The following DAPK1 variants were observed in gnomAD, a reference collection of about 807,000 sequenced individuals.
DAPK1 encodes the protein death-associated protein kinase 1.
DAPK1 carries 56 observed loss-of-function variants against 144.9 expected under a neutral mutation model. The observed-to-expected ratio is 0.39, with a 90% CI of 0.31 to 0.48. DAPK1 has a LOEUF of 0.48. DAPK1 is among the 20% of genes least tolerant of loss of function. The pLI, the probability that DAPK1 is intolerant of heterozygous loss-of-function variation, is 0.95. For synonymous variants in DAPK1, 690 were observed against 749.0 expected (o/e 0.92, Z 1.29); for missense variants, 1,454 against 1,875.4 (o/e 0.78, Z 4.15).
rs767821378 is a variant in DAPK1 at position 87,658,085 on chromosome 9, G to A, written c.1881G>A (p.Arg627=). 8 of 1,547,346 alleles carry A rather than the reference G, an allele frequency of 5.2e-6. No individual in the cohort carries two copies. In the South Asian group the frequency reaches 5.6e-5, roughly 11 times the overall value. ...ACAACGGAATCCTAGACGTGGTCCGGTATCTCTGTCTGATGGGAGCCAGCG... is the reference window on the plus strand; with the variant it reads ...ACAACGGAATCCTAGACGTGGTCCGATATCTCTGTCTGATGGGAGCCAGCG... ...AANNGILDVV[R]YLCLMGASVE... The change falls in exon 18 of 26, where the codon CGG becomes CGA. Residue 627 remains arginine, a synonymous_variant. Coordinates refer to ENST00000408954, the MANE Select transcript of DAPK1 (RefSeq NM_004938.4).
intron 19 of DAPK1, among the ~76,000 whole-genome samples, chr9:87,678,517 C>T (rs145106945): frequency 1.3e-3 from 197 of 152,292 alleles, no homozygotes; most frequent in Non-Finnish European, 1.8e-3. Context: ...AAATCGGAGA[C>T]AGCACTCAGC....
intron 25 of DAPK1, among the ~76,000 whole-genome samples, chr9:87,704,958 A>AT (rs1392913312): frequency 4.0e-5 from 6 of 151,352 alleles, no homozygotes; most frequent in Non-Finnish European, 7.4e-5. Context: ...CTTTCTTTTT[A>AT]TTTTTTTAAG....
intron 3 of DAPK1, among the ~76,000 whole-genome samples, chr9:87,633,916 G>A (rs1394640535): frequency 6.6e-6 from 1 of 152,318 alleles, no homozygotes; most frequent in Admixed American, 6.5e-5. Context: ...TTAGGATCAA[G>A]ATTTGGAGAA....
At chr9:87,662,560 GTTTTTTTTTTTT>G (rs71507734) in intron 18 of DAPK1, among the ~76,000 whole-genome samples, 5 of 32,138 alleles carry the variant, frequency 1.6e-4, no homozygotes, top group South Asian at 1.4e-3. Context: ...TATATTCCTA[GTTTTTTTTTTTT>G]TTTTTTTTTT....
At chr9:87,642,899 G>C (rs1018968610) in intron 10 of DAPK1, among the ~76,000 whole-genome samples, 3 of 152,204 alleles carry the variant, frequency 2.0e-5, no homozygotes, top group Non-Finnish European at 4.4e-5. Context: ...TATAGACTAA[G>C]AGGTCCCCCA....
Position 87,570,523 on chromosome 9 carries a change from G to A in DAPK1, c.63-34431G>A, listed in dbSNP as rs546218347. ...GCTTTCCCATTCTTTTCATTATTTT[G>A]TATGTAAAAAAAACCCAAAAAGCCA... On this transcript the variant is annotated intron_variant, in intron 2 of 25. Coordinates refer to ENST00000408954, the MANE Select transcript of DAPK1 (RefSeq NM_004938.4). Among the ~76,000 whole-genome samples the A allele has an allele frequency of 3.3e-5, 5 of 151,988 alleles. No individual in the cohort carries two copies. The South Asian group carries it at 8.3e-4, about 25-fold the overall frequency.
chr9:87,707,527 C>A lies in DAPK1; in HGVS notation c.*163C>A, dbSNP rs931187429. 7.0e-5 allele frequency: 42 copies of A among 601,370 alleles called. No individual in the cohort carries two copies. The highest frequency in any genetic ancestry group is 1.7e-4 in the African/African-American group (9 of 53,844). 37.3% of individuals were successfully genotyped at this position (601,370 alleles called of 1,614,324 possible). ...TTGACCTGTTTCTCTGCCGCTACCT[C>A]CCTCCCCGTCTCATTCCGTTGTCTG... On this transcript the variant is annotated 3_prime_UTR_variant, in exon 26 of 26. Coordinates refer to ENST00000408954, the MANE Select transcript of DAPK1 (RefSeq NM_004938.4). This position sits in a 1 kb window ranked among gnomAD's most constrained non-coding sequence, Gnocchi z 4.0.
At position 87,498,115 on chromosome 9, in the gene DAPK1, G is replaced by C; in HGVS notation, c.-109+8G>C. Reference sequence around the variant, plus strand: ...GAGCTCCCAGGCGCCCGGGTGAGTAGCCAGGCGCGGCTCCCCGGTCCCCCC... The same window carrying C: ...GAGCTCCCAGGCGCCCGGGTGAGTACCCAGGCGCGGCTCCCCGGTCCCCCC... On this transcript the variant is annotated splice_region_variant and intron_variant, in intron 1 of 25. Coordinates refer to ENST00000408954, the MANE Select transcript of DAPK1 (RefSeq NM_004938.4). 2.5e-6 allele frequency: 1 copy of C among 397,520 alleles called. No individual in the cohort carries two copies. The highest frequency in any genetic ancestry group is 4.4e-6 in the Non-Finnish European group (1 of 225,592). 24.6% of individuals were successfully genotyped at this position (397,520 alleles called of 1,614,324 possible).
chr9:87,638,810 C>A (rs1011741589), intron 4 of DAPK1, among the ~76,000 whole-genome samples: 3 of 152,218 alleles, frequency 2.0e-5, no homozygotes, highest in African/African-American at 7.2e-5. Context: ...TCCCTGCTGG[C>A]CCCACAAACA....
At chr9:87,502,109 A>G (rs995649719) in intron 2 of DAPK1, among the ~76,000 whole-genome samples, 2 of 152,140 alleles carry the variant, frequency 1.3e-5, no homozygotes, top group South Asian at 2.1e-4. Context: ...CGGCAAGTCA[A>G]TATTCTTTAA....
intron 2 of DAPK1, among the ~76,000 whole-genome samples, chr9:87,547,521 A>G (rs888918052): frequency 1.3e-5 from 2 of 152,168 alleles, no homozygotes; most frequent in South Asian, 4.1e-4. Context: ...TTAAATAGCT[A>G]CATGTATTAG....
At chr9:87,604,285 G>A (rs112899936) in intron 2 of DAPK1, among the ~76,000 whole-genome samples, 3 of 152,154 alleles carry the variant, frequency 2.0e-5, no homozygotes, top group African/African-American at 7.2e-5. Context: ...TGGACTGATT[G>A]GCTCAGCCTA....
intron 3 of DAPK1, among the ~76,000 whole-genome samples, chr9:87,623,076 G>A (rs377697192): frequency 1.7e-4 from 26 of 152,042 alleles, no homozygotes; most frequent in Non-Finnish European, 3.7e-4. Context: ...TCACATAAGG[G>A]GCCCACTAGG....
At chr9:87,632,100 A>AC in intron 3 of DAPK1, 1 of 671,398 alleles carries the variant, frequency 1.5e-6, no homozygotes, top group Non-Finnish European at 1.8e-6. Flanking sequence ...AGAAATATAT[A>AC]TATATATATG....
At chr9:87,500,778 A>G (rs1031323410) in intron 2 of DAPK1, among the ~76,000 whole-genome samples, 5 of 152,166 alleles carry the variant, frequency 3.3e-5, no homozygotes, top group African/African-American at 1.2e-4. Flanking sequence ...TGATTTGCTC[A>G]GTGTACATTT....
At chr9:87,549,824 GA>G (rs970555898) in intron 2 of DAPK1, among the ~76,000 whole-genome samples, 2 of 152,006 alleles carry the variant, frequency 1.3e-5, no homozygotes, top group African/African-American at 4.8e-5. Context: ...AAAAGTGGGG[GA>G]AAAAAGTATC....
At chr9:87,547,447 C>T (rs1427967674) in intron 2 of DAPK1, among the ~76,000 whole-genome samples, 2 of 152,172 alleles carry the variant, frequency 1.3e-5, no homozygotes, top group African/African-American at 4.8e-5. Context: ...ACTGAGCACT[C>T]AGATAGTAAG....
chr9:87,581,588 G>A (rs922467177), intron 2 of DAPK1, among the ~76,000 whole-genome samples: 8 of 152,194 alleles, frequency 5.3e-5, no homozygotes, highest in Non-Finnish European at 1.2e-4. Flanking sequence ...TGTAGTTGTA[G>A]CTCGTTTGGG....
At chr9:87,667,092 G>C (rs1416727426) in intron 18 of DAPK1, among the ~76,000 whole-genome samples, 1 of 152,190 alleles carries the variant, frequency 6.6e-6, no homozygotes, top group African/African-American at 2.4e-5. Context: ...TGATTCCAGA[G>C]TGTAATGGAG....
Sources: gnomAD v4.1 joint callset for allele counts (sites outside exome capture counted in the v4.1 genomes callset) on GRCh38, gnomAD v4.1.1 for gene constraint, Gnocchi (gnomAD v3.1) non-coding constraint, MANE v1.5 for transcripts, NCBI Gene and HGNC (gene_info 2026-07-23, HGNC 2026-07-21) for gene names.